GPR137: variants seen among roughly 807,000 people sequenced by gnomAD.
The protein encoded by GPR137 is integral membrane protein GPR137.
A neutral mutation model predicts 38.9 loss-of-function variants in GPR137; 20 were observed. The ratio of observed to expected loss-of-function variants is 0.51; its 90% confidence interval spans 0.36 to 0.75. The LOEUF (loss-of-function observed/expected upper bound fraction) is 0.75, where lower values mean the gene tolerates loss of function less well. Among genes scored for constraint, GPR137 ranks in the 30% least tolerant of loss-of-function variants. GPR137 has a pLI of 0.00. For synonymous variants in GPR137, 226 were observed against 235.8 expected (o/e 0.96, Z 0.38); for missense variants, 456 against 526.4 (o/e 0.87, Z 1.31).
chr11:64,272,625 G>A (rs1358978679), upstream of GPR137: 4 of 152,200 alleles, frequency 2.6e-5, no homozygotes, highest in East Asian at 1.9e-4. Context: ...CGTGTAGGCC[G>A]AGACATTCCC....
upstream of GPR137, among the ~76,000 whole-genome samples, chr11:64,273,855 C>CAAAA (rs34577596): frequency 9.9e-3 from 534 of 53,908 alleles, 23 homozygotes; most frequent in East Asian, 0.033. Flanking sequence ...GCACCCATCT[C>CAAAA]AAAAAAAAAA....
At chr11:64,274,390 A>G (rs1383146379), upstream of GPR137, among the ~76,000 whole-genome samples, 6 of 142,788 alleles carry the variant, frequency 4.2e-5, no homozygotes, top group Non-Finnish European at 7.7e-5. Flanking sequence ...CTACCTCGAG[A>G]AAAAAAAAAA....
Position 64,286,288 on chromosome 11 carries a change from AGAGACTGCCCTTCCATGCCCCT to A in GPR137, c.-233_-212del. 1 of 1,389,228 alleles carries A rather than the reference AGAGACTGCCCTTCCATGCCCCT, an allele frequency of 7.2e-7. No homozygotes were observed. The highest frequency in any genetic ancestry group is 9.3e-7 in the Non-Finnish European group (1 of 1,076,194). 86.1% of individuals were successfully genotyped at this position (1,389,228 alleles called of 1,614,324 possible). On this transcript the variant is annotated 5_prime_UTR_variant, in exon 1 of 7. An upstream start codon of the reference 5' UTR is lost. Coordinates refer to ENST00000438980, the MANE Select transcript of GPR137 (RefSeq NM_001170880.2). ...CCCTATCCGGTCTGTCCTGGAGAAA[AGAGACTGCCCTTCCATGCCCCT>A]GAGTGAGGGGCCTGGGGCCCAGGCT...
At chr11:64,287,096 A>G in intron 2 of GPR137, 82 bp downstream of exon 2, 23 of 1,542,040 alleles carry the variant, frequency 1.5e-5, no homozygotes, top group Non-Finnish European at 1.8e-5. Context: ...CCCACCTCTC[A>G]GGGCTGAGAC....
At chr11:64,271,828 G>C, upstream of GPR137, 3 of 1,366,960 alleles carry the variant, frequency 2.2e-6, no homozygotes, top group Non-Finnish European at 2.8e-6. Context: ...TGGGTAGGGG[G>C]GCGACGTTAA....
At chr11:64,287,184 T>C (rs1370042339) in intron 2 of GPR137, 170 bp downstream of exon 2, 10 of 985,162 alleles carry the variant, frequency 1.0e-5, no homozygotes, top group Non-Finnish European at 1.2e-5. Context: ...GCAGAGGCCT[T>C]GCAGATCTGC....
chr11:64,275,263 G>A (rs1392335068), upstream of GPR137, among the ~76,000 whole-genome samples: 2 of 152,050 alleles, frequency 1.3e-5, no homozygotes, highest in African/African-American at 2.4e-5. Flanking sequence ...GGAGGCTGAA[G>A]GATTTCGGAT....
upstream of GPR137, chr11:64,284,589 C>G (rs965347800): frequency 6.7e-7 from 1 of 1,496,088 alleles, no homozygotes; most frequent in African/African-American, 1.4e-5. Context: ...CCCGGTGGAC[C>G]CAGGCCCCGC....
Position 64,289,436 on chromosome 11 carries a change from A to G in GPR137, c.*240A>G. ...CATGACCTGCCACCTCTGCTTCCAC[A>G]CCGGAGCCAGCTACCTCTCCTGTGC... On this transcript the variant is annotated 3_prime_UTR_variant, in exon 7 of 7. Coordinates refer to ENST00000438980, the MANE Select transcript of GPR137 (RefSeq NM_001170880.2). 6.6e-7 allele frequency: 1 copy of G among 1,516,516 alleles called. No homozygotes were observed. Among genetic ancestry groups the G allele is most frequent in the Non-Finnish European group, 8.8e-7 (1 of 1,136,722 alleles). 93.9% of individuals were successfully genotyped at this position (1,516,516 alleles called of 1,614,324 possible). A position where few individuals can be genotyped will look rare whatever the true frequency, so the allele number is the denominator to read the frequency against.
chr11:64,272,258 G>T (rs947793631), upstream of GPR137, among the ~76,000 whole-genome samples: 5 of 151,764 alleles, frequency 3.3e-5, no homozygotes, highest in Non-Finnish European at 7.4e-5. Flanking sequence ...GGGAGAGGTC[G>T]CAGTGAGCCG....
Position 64,288,942 on chromosome 11 carries a change from A to C in GPR137, c.1032-95A>C, listed in dbSNP as rs2034468743. 6.2e-6 allele frequency: 9 copies of C among 1,448,110 alleles called. No individual in the cohort carries two copies. Among genetic ancestry groups the C allele is most frequent in the South Asian group, 1.5e-5 (1 of 68,918 alleles). 89.7% of individuals were successfully genotyped at this position (1,448,110 alleles called of 1,614,324 possible). A position where few individuals can be genotyped will look rare whatever the true frequency, so the allele number is the denominator to read the frequency against. ...GTCCTGGGCCCCGAAGGTCTAGGTCACAGGGGTTCTGTTCTAAGCCTGTCT... is the reference window on the plus strand; with the variant it reads ...GTCCTGGGCCCCGAAGGTCTAGGTCCCAGGGGTTCTGTTCTAAGCCTGTCT... On this transcript the variant is annotated intron_variant, in intron 6 of 6. Coordinates refer to ENST00000438980, the MANE Select transcript of GPR137 (RefSeq NM_001170880.2). This position sits in a 1 kb window ranked among gnomAD's most constrained non-coding sequence, Gnocchi z 5.5.
At position 64,288,657 on chromosome 11, in the gene GPR137, G is replaced by T; in HGVS notation, c.967G>T (p.Asp323Tyr). ...CTTTGCCTCTCGGTCCTACTTCTTT[G>T]ACCGGGCTGGGCACTGTGAAGATGA... ...QVFASRSYFF[D>Y]RAGHCEDEGC... is the part of the protein sequence containing the mutation. Residue 323 changes from aspartate to tyrosine, a missense_variant, in exon 6 of 7, where the codon GAC (aspartate) becomes TAC (tyrosine). Physicochemically the swap from Asp to Tyr is radical, Grantham distance 160. Coordinates refer to ENST00000438980, the MANE Select transcript of GPR137 (RefSeq NM_001170880.2). This position sits in a 1 kb window ranked among gnomAD's most constrained non-coding sequence, Gnocchi z 5.5. 1 of 1,604,284 alleles carries T rather than the reference G, an allele frequency of 6.2e-7. No individual in the cohort carries two copies. The highest frequency in any genetic ancestry group is 8.5e-7 in the Non-Finnish European group (1 of 1,174,654).
upstream of GPR137, among the ~76,000 whole-genome samples, chr11:64,281,290 G>A (rs2033454703): frequency 6.6e-6 from 1 of 151,930 alleles, no homozygotes; most frequent in Non-Finnish European, 1.5e-5. Context: ...AAATTCCTTG[G>A]CATCATCCTG....
chr11:64,282,881 GAA>G (rs541902877), upstream of GPR137, among the ~76,000 whole-genome samples: 6 of 88,040 alleles, frequency 6.8e-5, no homozygotes, highest in Middle Eastern at 5.9e-3. Flanking sequence ...TCCGTCTCAG[GAA>G]AAAAAAAAAA....
At chr11:64,285,477 A>T (rs1029019256), upstream of GPR137, 2 of 984,764 alleles carry the variant, frequency 2.0e-6, no homozygotes, top group Admixed American at 1.2e-4. Flanking sequence ...CCCGGGGGCC[A>T]TCTTGGCTAT....
chr11:64,285,586 G>A (rs1280669436), upstream of GPR137: 1 of 984,000 alleles, frequency 1.0e-6, no homozygotes, highest in African/African-American at 1.7e-5. Flanking sequence ...AGGAGCGTGG[G>A]AACTGGCGGA....
chr11:64,289,380 C>T lies in GPR137; in HGVS notation c.*184C>T, dbSNP rs2034537958. 1.9e-6 allele frequency: 3 copies of T among 1,557,256 alleles called. No individual in the cohort carries two copies. The East Asian group carries it at 6.7e-5, about 35-fold the overall frequency. On this transcript the variant is annotated 3_prime_UTR_variant, in exon 7 of 7. Transcript: ENST00000438980. ...CGTCCCCCTAGGATGGGGGGCATGGCCCTGGCTGCCAGATGCCCACAGCAC... is the reference window on the plus strand; with the variant it reads ...CGTCCCCCTAGGATGGGGGGCATGGTCCTGGCTGCCAGATGCCCACAGCAC...
chr11:64,270,557 C>T (rs2032430383), exon 1 of GPR137: 1 of 728,282 alleles, frequency 1.4e-6, no homozygotes, highest in Non-Finnish European at 2.4e-6. Context: ...GTGCCGGAGA[C>T]GGGAAGAGAG....
At chr11:64,273,223 ATTAG>A (rs748946864), upstream of GPR137, among the ~76,000 whole-genome samples, 4 of 152,062 alleles carry the variant, frequency 2.6e-5, no homozygotes, top group Non-Finnish European at 5.9e-5. Flanking sequence ...AAATACAAAA[ATTAG>A]TTAGGTGTGG....
Sources: allele counts gnomAD v4.1 joint callset (sites outside exome capture counted in the v4.1 genomes callset), GRCh38; gene constraint gnomAD v4.1.1; non-coding constraint Gnocchi (gnomAD v3.1); transcripts MANE v1.5; gene names NCBI Gene and HGNC (gene_info 2026-07-23, HGNC 2026-07-21).